The following SGCD variants were observed in gnomAD, a reference collection of about 807,000 sequenced individuals.
SGCD encodes the protein sarcoglycan delta, also known as delta-sarcoglycan.
A neutral mutation model predicts 36.6 loss-of-function variants in SGCD; 18 were observed. The ratio of observed to expected loss-of-function variants is 0.49; its 90% confidence interval spans 0.34 to 0.73. The LOEUF (loss-of-function observed/expected upper bound fraction) is 0.73. Ranked by LOEUF, SGCD falls within the 30% of genes least tolerant of loss-of-function variation. The pLI, the probability that SGCD is intolerant of heterozygous loss-of-function variation, is 0.01. For missense variants in SGCD, 387 were observed against 346.7 expected, an observed-to-expected ratio of 1.12 and a Z score of -0.92; for synonymous variants, 133 against 130.6, an observed-to-expected ratio of 1.02 and a Z score of -0.12.
chr5:156,607,475 G>A (rs1200745640), intron 6 of SGCD, among the ~76,000 whole-genome samples: 14 of 152,082 alleles, frequency 9.2e-5, no homozygotes, highest in Middle Eastern at 3.2e-3. Context: ...TTTTTGCATC[G>A]ATGTTCATCA....
At chr5:155,874,070 A>G (rs946679997) in intron 1 of SGCD, among the ~76,000 whole-genome samples, 2 of 152,258 alleles carry the variant, frequency 1.3e-5, no homozygotes, top group South Asian at 4.1e-4. Flanking sequence ...AGCAATTTTT[A>G]TGACCATACA....
chr5:156,499,950 C>A (rs1756375143), intron 3 of SGCD, among the ~76,000 whole-genome samples: 1 of 152,094 alleles, frequency 6.6e-6, no homozygotes. Context: ...AAAAAATTAA[C>A]CCTCCCTTGC....
At chr5:156,331,485 ATTC>A (rs994510575) in intron 2 of SGCD, among the ~76,000 whole-genome samples, 1 of 152,148 alleles carries the variant, frequency 6.6e-6, no homozygotes, top group Non-Finnish European at 1.5e-5. Flanking sequence ...CAATCACTTT[ATTC>A]TTCTTTTTCA....
the SGCD span, among the ~76,000 whole-genome samples, chr5:155,741,989 G>A: frequency 6.6e-6 from 1 of 152,244 alleles, no homozygotes; most frequent in East Asian, 1.9e-4. Context: ...CTGGCCACCA[G>A]AAGTAGTTTT....
intron 3 of SGCD, among the ~76,000 whole-genome samples, chr5:156,392,825 CGGTG>C (rs1316336309): frequency 1.6e-4 from 25 of 152,228 alleles, no homozygotes; most frequent in Middle Eastern, 3.4e-3. Context: ...TTCTGCTGGT[CGGTG>C]GCCTGCCAGC....
chr5:156,738,128 G>A (rs1756471554), intron 7 of SGCD, among the ~76,000 whole-genome samples: 1 of 152,190 alleles, frequency 6.6e-6, no homozygotes, highest in African/African-American at 2.4e-5. Flanking sequence ...AGAGCATTAG[G>A]TCTTATTGGG....
intron 1 of SGCD, among the ~76,000 whole-genome samples, chr5:156,091,308 G>C (rs1761235320): frequency 6.6e-6 from 1 of 152,196 alleles, no homozygotes; most frequent in African/African-American, 2.4e-5. Flanking sequence ...GCTTCAGCCG[G>C]TCCCTCTGTT....
At chr5:155,908,925 T>C (rs2113352395) in intron 1 of SGCD, among the ~76,000 whole-genome samples, 1 of 152,254 alleles carries the variant, frequency 6.6e-6, no homozygotes, top group South Asian at 2.1e-4. Flanking sequence ...AAATAAAGGA[T>C]GGAATGAATG....
At chr5:156,015,885 A>G (rs1289241432) in intron 1 of SGCD, among the ~76,000 whole-genome samples, 1 of 148,348 alleles carries the variant, frequency 6.7e-6, no homozygotes, top group Non-Finnish European at 1.5e-5. Flanking sequence ...TTATATGTCT[A>G]TCATCCACAT....
At chr5:156,288,730 C>A (rs1328244557) in intron 3 of SGCD, among the ~76,000 whole-genome samples, 2 of 151,982 alleles carry the variant, frequency 1.3e-5, no homozygotes, top group South Asian at 4.1e-4. Flanking sequence ...TTTTTCCTGA[C>A]ATTTTTCAGA....
At chr5:156,370,201 G>C (rs561574725) in intron 3 of SGCD, among the ~76,000 whole-genome samples, 1 of 152,120 alleles carries the variant, frequency 6.6e-6, no homozygotes. Context: ...CAGTTTCATG[G>C]AGGGAGACCT....
chr5:156,505,780 AACACAC>A (rs56290159), intron 3 of SGCD, among the ~76,000 whole-genome samples: 11 of 150,224 alleles, frequency 7.3e-5, no homozygotes, highest in Admixed American at 3.3e-4. Flanking sequence ...ATATACACCA[AACACAC>A]ACACACACAC....
At chr5:155,926,006 T>C (rs895905123) in intron 1 of SGCD, among the ~76,000 whole-genome samples, 4 of 152,008 alleles carry the variant, frequency 2.6e-5, no homozygotes, top group African/African-American at 9.7e-5. Flanking sequence ...CAAGTGATCC[T>C]CCTGCTTCAG....
chr5:155,867,671 C>T (rs2113266691), upstream of SGCD, among the ~76,000 whole-genome samples: 1 of 152,266 alleles, frequency 6.6e-6, no homozygotes, highest in Non-Finnish European at 1.5e-5. Context: ...GATGCCCCTT[C>T]ATAATACTAG....
intron 3 of SGCD, among the ~76,000 whole-genome samples, chr5:156,504,974 A>G (rs1036453092): frequency 3.9e-5 from 6 of 152,310 alleles, no homozygotes; most frequent in South Asian, 2.1e-4. Context: ...TCTGACCTCA[A>G]TGGGAAGAAA....
the SGCD span, among the ~76,000 whole-genome samples, chr5:155,839,937 A>G: frequency 1.8e-5 from 2 of 108,288 alleles, no homozygotes; most frequent in Non-Finnish European, 3.4e-5. Context: ...CTTTGAAAAC[A>G]CTTTTTTTTT....
intron 3 of SGCD, among the ~76,000 whole-genome samples, chr5:156,201,691 G>A (rs1442764217): frequency 4.6e-5 from 7 of 151,674 alleles, no homozygotes; most frequent in East Asian, 1.9e-4. Context: ...CATGCTGCAG[G>A]AGGGAAGAGG....
chr5:156,657,219 CTTTT>C (rs571128334), intron 7 of SGCD, among the ~76,000 whole-genome samples: 11 of 146,158 alleles, frequency 7.5e-5, no homozygotes, highest in African/African-American at 2.5e-4. Flanking sequence ...AATAGTCTGA[CTTTT>C]TTTTTTTCCT....
At chr5:156,078,136 TG>T (rs1298814112) in intron 1 of SGCD, among the ~76,000 whole-genome samples, 1 of 152,100 alleles carries the variant, frequency 6.6e-6, no homozygotes, top group Non-Finnish European at 1.5e-5. Flanking sequence ...TTATCTCTCT[TG>T]GAGCACTTTG....
Sources: allele counts gnomAD v4.1 joint callset (sites outside exome capture counted in the v4.1 genomes callset), GRCh38; gene constraint gnomAD v4.1.1; transcripts MANE v1.5; gene names NCBI Gene and HGNC (gene_info 2026-07-23, HGNC 2026-07-21).